Variants in MBTPS1 observed in about 807,000 individuals in gnomAD.
MBTPS1 encodes the protein membrane bound transcription factor peptidase, site 1, also known as membrane-bound transcription factor site-1 protease.
A neutral mutation model predicts 127.8 loss-of-function variants in MBTPS1; 94 were observed. That is an observed-to-expected ratio of 0.74 (90% CI 0.62 to 0.87). The LOEUF is 0.87. Ranked by LOEUF, MBTPS1 falls within the 40% of genes least tolerant of loss-of-function variation. The pLI is 0.00. For missense variants in MBTPS1, 1,636 were observed against 1,353.2 expected, an observed-to-expected ratio of 1.21 and a Z score of -3.28; for synonymous variants, 632 against 509.4, an observed-to-expected ratio of 1.24 and a Z score of -3.24.
chr16:84,072,534 G>T (rs1046492403), intron 12 of MBTPS1, among the ~76,000 whole-genome samples: 4 of 152,214 alleles, frequency 2.6e-5, no homozygotes, highest in Admixed American at 6.5e-5. Flanking sequence ...GCTCACACCT[G>T]TAATCCCAGC....
intron 11 of MBTPS1, among the ~76,000 whole-genome samples, chr16:84,081,307 G>A (rs1273623901): frequency 6.6e-6 from 1 of 152,252 alleles, no homozygotes; most frequent in East Asian, 1.9e-4. Flanking sequence ...CTGGCGAGAT[G>A]TATGTGGTCT....
chr16:84,070,261 TA>T (rs2085750915), intron 13 of MBTPS1, among the ~76,000 whole-genome samples: 1 of 152,230 alleles, frequency 6.6e-6, no homozygotes, highest in African/African-American at 2.4e-5. Context: ...CAATAAAAAC[TA>T]CTAGAGCCTC....
intron 8 of MBTPS1, among the ~76,000 whole-genome samples, chr16:84,089,053 G>A (rs16962779): frequency 2.0e-5 from 3 of 152,240 alleles, no homozygotes; most frequent in African/African-American, 4.8e-5. Context: ...GGCAGCCAGC[G>A]TGTGACAAAA....
Position 84,060,734 on chromosome 16 carries a change from G to C in MBTPS1, c.2652C>G (p.Asn884Lys). 1 of 1,613,288 alleles carries C rather than the reference G, an allele frequency of 6.2e-7. No homozygotes were observed. The highest frequency in any genetic ancestry group is 8.5e-7 in the Non-Finnish European group (1 of 1,179,682). Residue 884 changes from asparagine (N) to lysine (K), a missense_variant, in exon 20 of 23, where the codon AAC becomes AAG. Physicochemically the swap from Asn to Lys is moderately conservative, Grantham distance 94. Transcript: ENST00000343411. ...CTGCTCCACTGGGAGGGCGCTGGCG[G>C]TTCCCAGAGTGACTGAGGCTAGGCG... ...VTPPSLSHSG[N>K]RQRPPSGAGS...
intron 19 of MBTPS1, among the ~76,000 whole-genome samples, 149 bp downstream of exon 19, chr16:84,063,152 GCAAT>G (rs1166170575): frequency 6.6e-6 from 1 of 152,236 alleles, no homozygotes; most frequent in Non-Finnish European, 1.5e-5. Context: ...AATATTCCAA[GCAAT>G]CAAAGTGACT....
chr16:84,089,609 C>A (rs147958413), intron 8 of MBTPS1, among the ~76,000 whole-genome samples: 330 of 152,350 alleles, frequency 2.2e-3, no homozygotes, highest in Non-Finnish European at 2.7e-3. Context: ...TGTCTGATTT[C>A]AGTCTCATAG....
intron 10 of MBTPS1, among the ~76,000 whole-genome samples, chr16:84,084,630 T>G (rs1413814159): frequency 6.6e-6 from 1 of 152,254 alleles, no homozygotes; most frequent in African/African-American, 2.4e-5. Flanking sequence ...AATATCTTAC[T>G]ATTTGTTCCC....
At chr16:84,097,727 T>C (rs897833761) in intron 3 of MBTPS1, among the ~76,000 whole-genome samples, 5 of 152,238 alleles carry the variant, frequency 3.3e-5, no homozygotes, top group Admixed American at 6.5e-5. Context: ...GAAGTGTTAC[T>C]GCTTTTTAAG....
chr16:84,113,472 T>C (rs142774040), intron 1 of MBTPS1, among the ~76,000 whole-genome samples: 35 of 152,198 alleles, frequency 2.3e-4, no homozygotes, highest in African/African-American at 8.4e-4. Context: ...AAATAGAAAA[T>C]AGTATTTAAT....
At chr16:84,081,448 T>C (rs1358615418) in intron 11 of MBTPS1, 2 of 198,254 alleles carry the variant, frequency 1.0e-5, no homozygotes, top group East Asian at 2.3e-4. Flanking sequence ...TTCTGCAAAA[T>C]TTCTGTAAAC....
chr16:84,077,725 C>G (rs939043619), intron 11 of MBTPS1, among the ~76,000 whole-genome samples: 3 of 152,156 alleles, frequency 2.0e-5, no homozygotes, highest in Admixed American at 2.0e-4. Flanking sequence ...ACAGAGGCAT[C>G]AGCTGAAGAG....
chr16:84,077,208 G>C (rs562582054), intron 11 of MBTPS1, among the ~76,000 whole-genome samples: 1 of 133,184 alleles, frequency 7.5e-6, no homozygotes, highest in East Asian at 2.2e-4. Flanking sequence ...CTGAGCCACA[G>C]AGCAAGACCC....
chr16:84,074,804 C>T (rs1210911434), intron 11 of MBTPS1, 63 bp from the exon 12 acceptor site: 4 of 1,445,076 alleles, frequency 2.8e-6, no homozygotes, highest in Admixed American at 1.9e-5. Flanking sequence ...AGCAACACAA[C>T]TGTACAAGAC....
chr16:84,099,209 G>A lies in MBTPS1; in HGVS notation c.265C>T (p.Pro89Ser). 1 of 1,614,128 alleles carries A rather than the reference G, an allele frequency of 6.2e-7. No individual in the cohort carries two copies. The highest frequency in any genetic ancestry group is 8.5e-7 in the Non-Finnish European group (1 of 1,180,014). Residue 89 changes from proline to serine, a missense_variant, in exon 3 of 23, where the codon CCT becomes TCT. Pro to Ser is a moderately conservative substitution (Grantham distance 74). Transcript: ENST00000343411. ...TAGTCACTGGATGGATTGTTTCGAG[G>A]TATAATTCTCCAATTGTCTACTTCA... The part of the protein sequence containing the change: ...SSEVDNWRII[P>S]RNNPSSDYPS...
intron 1 of MBTPS1, among the ~76,000 whole-genome samples, chr16:84,115,656 A>C (rs925363369): frequency 3.3e-5 from 5 of 152,218 alleles, no homozygotes; most frequent in African/African-American, 1.2e-4. Flanking sequence ...TTTCCATCTG[A>C]ATATACGAAA....
At chr16:84,116,178 A>C (rs2086474273) in intron 1 of MBTPS1, among the ~76,000 whole-genome samples, 1 of 152,226 alleles carries the variant, frequency 6.6e-6, no homozygotes, top group Non-Finnish European at 1.5e-5. Context: ...GGCTCAACCC[A>C]ATATGAAAGG....
intron 17 of MBTPS1, 56 bp downstream of exon 17, chr16:84,066,433 G>A: frequency 6.3e-6 from 10 of 1,587,572 alleles, no homozygotes; most frequent in East Asian, 2.3e-5. Context: ...GACTTCAGAG[G>A]TGTAGAGCTT....
chr16:84,063,500 T>C, intron 18 of MBTPS1, 55 bp from the exon 19 acceptor site: 1 of 1,517,938 alleles, frequency 6.6e-7, no homozygotes, highest in Non-Finnish European at 9.0e-7. Flanking sequence ...GAGCAGTGAG[T>C]TATTTCCTGA....
chr16:84,104,643 C>T (rs996830894), intron 1 of MBTPS1, among the ~76,000 whole-genome samples: 1 of 152,128 alleles, frequency 6.6e-6, no homozygotes, highest in African/African-American at 2.4e-5. Context: ...AAATAATTCA[C>T]TCAAAGGTAA....
Sources: gnomAD v4.1 joint callset for allele counts (sites outside exome capture counted in the v4.1 genomes callset) on GRCh38, gnomAD v4.1.1 for gene constraint, MANE v1.5 for transcripts, NCBI Gene and HGNC (gene_info 2026-07-23, HGNC 2026-07-21) for gene names.